MYLK: variants seen among roughly 807,000 people sequenced by gnomAD.
MYLK encodes myosin light chain kinase.
In MYLK, 106 loss-of-function variants were observed where a neutral mutation model predicts 203.4. The observed-to-expected ratio is 0.52, with a 90% CI of 0.45 to 0.61. The LOEUF is 0.61. Ranked by LOEUF, MYLK falls within the 20% of genes least tolerant of loss-of-function variation. The pLI is 0.00. For synonymous variants in MYLK, 867 were observed against 959.5 expected (o/e 0.90, Z 1.78); for missense variants, 2,072 against 2,442.3 (o/e 0.85, Z 3.20).
chr3:123,708,625 T>C, intron 15 of MYLK, 73 bp downstream of exon 15: 2 of 1,576,838 alleles, frequency 1.3e-6, no homozygotes, highest in Non-Finnish European at 1.7e-6. Flanking sequence ...TGTGGTTTCC[T>C]TGCCTCCAAA....
intron 2 of MYLK, among the ~76,000 whole-genome samples, chr3:123,857,649 G>A (rs1187581505): frequency 7.3e-6 from 1 of 137,310 alleles, no homozygotes; most frequent in Non-Finnish European, 1.6e-5. Context: ...GACTGTTGTG[G>A]GGTCGGGGGA....
chr3:123,630,926 C>T (rs2058389334), intron 29 of MYLK: 1 of 131,752 alleles, frequency 7.6e-6, no homozygotes, highest in Admixed American at 7.4e-5. Context: ...GAGTCAGCCT[C>T]ATGGGTGTTA....
At chr3:123,832,849 G>A (rs1219369989) in intron 2 of MYLK, among the ~76,000 whole-genome samples, 1 of 152,170 alleles carries the variant, frequency 6.6e-6, no homozygotes, top group Admixed American at 6.5e-5. Flanking sequence ...CCCAGCCTCA[G>A]GTATTTTGTC....
chr3:123,719,837 C>T (rs1016039036), intron 13 of MYLK, among the ~76,000 whole-genome samples: 1 of 152,234 alleles, frequency 6.6e-6, no homozygotes. Context: ...TCTCCCCCAG[C>T]CCAGGCTTGT....
intron 4 of MYLK, among the ~76,000 whole-genome samples, chr3:123,762,523 C>T (rs759748447): frequency 2.0e-5 from 3 of 152,186 alleles, no homozygotes; most frequent in Non-Finnish European, 4.4e-5. Flanking sequence ...TGAGCCACTG[C>T]ACCTGGCCTA....
At chr3:123,653,866 A>C (rs1217037254) in intron 24 of MYLK, among the ~76,000 whole-genome samples, 2 of 152,124 alleles carry the variant, frequency 1.3e-5, no homozygotes, top group Admixed American at 1.3e-4. Flanking sequence ...TCACACTGCA[A>C]TCTTACTCCT....
At chr3:123,625,843 G>C (rs75283798) in intron 31 of MYLK, among the ~76,000 whole-genome samples, 1 of 151,900 alleles carries the variant, frequency 6.6e-6, no homozygotes, top group Non-Finnish European at 1.5e-5. Flanking sequence ...TCTAATTGTG[G>C]TAATAAAAAT....
intron 3 of MYLK, among the ~76,000 whole-genome samples, chr3:123,824,156 CT>C (rs1388055968): frequency 3.3e-5 from 5 of 151,084 alleles, no homozygotes; most frequent in Non-Finnish European, 7.4e-5. Flanking sequence ...ATGGCGCGAT[CT>C]CAGCTCGCCG....
chr3:123,766,498 T>C (rs765910146), intron 4 of MYLK, among the ~76,000 whole-genome samples: 8 of 152,214 alleles, frequency 5.3e-5, no homozygotes, highest in Admixed American at 2.6e-4. Flanking sequence ...CCTCTTAATA[T>C]AGCATCTGCC....
chr3:123,679,687 A>G (rs566115776), intron 20 of MYLK, among the ~76,000 whole-genome samples: 5 of 152,258 alleles, frequency 3.3e-5, no homozygotes, highest in African/African-American at 1.2e-4. Flanking sequence ...GGTCTACTGG[A>G]GTTAATCCAG....
intron 33 of MYLK, 44 bp from the exon 34 acceptor site, chr3:123,614,393 A>G (rs933748177): frequency 9.9e-6 from 16 of 1,612,906 alleles, no homozygotes; most frequent in African/African-American, 1.3e-5. Flanking sequence ...ACTGTTATTC[A>G]AAATTTCTTA....
chr3:123,706,469 C>T (rs566201341), intron 16 of MYLK, among the ~76,000 whole-genome samples: 7 of 152,200 alleles, frequency 4.6e-5, no homozygotes, highest in South Asian at 2.1e-4. Flanking sequence ...GTCAGGCACC[C>T]GGGCCAGGAC....
rs56812925 is a variant in MYLK, at chr3:123,667,603, C to CA, written c.3653-417dup. ...TGGGTGACAGAGTGAGACTCTGTCT[C>CA]AAAAAAAAAAAAAGAAAAAAGAAAG... On this transcript the variant is annotated intron_variant, in intron 20 of 33. Transcript: ENST00000360304. Among the ~76,000 whole-genome samples, 640 of 114,324 alleles carry CA rather than the reference C, an allele frequency of 5.6e-3. 2 individuals are homozygous for CA. The highest frequency in any genetic ancestry group is 0.016 in the African/African-American group (494 of 30,952). 75.0% of individuals were successfully genotyped at this position (114,324 alleles called of 152,430 possible). A position where few individuals can be genotyped will look rare whatever the true frequency, so the allele number is the denominator to read the frequency against.
chr3:123,876,578 C>G lies in MYLK; in HGVS notation c.-146G>C, dbSNP rs1445414505. 1 of 152,100 alleles carries G rather than the reference C, an allele frequency of 6.6e-6. No individual in the cohort carries two copies. The highest frequency in any genetic ancestry group is 1.9e-4 in the East Asian group (1 of 5,196). The allele number at this position is 152,100 out of a possible 1,614,324, so 9.4% of individuals were successfully genotyped here. On this transcript the variant is annotated 5_prime_UTR_variant, in exon 2 of 34. Transcript: ENST00000360304. Reference sequence around the variant, plus strand: ...TATTACCTTTATTTTTTCTCTTCAGCTGGCCCGAATTGGTTTCTGTTAATT... The same window carrying G: ...TATTACCTTTATTTTTTCTCTTCAGGTGGCCCGAATTGGTTTCTGTTAATT...
chr3:123,867,707 A>G (rs1327013841), intron 2 of MYLK, among the ~76,000 whole-genome samples: 1 of 152,202 alleles, frequency 6.6e-6, no homozygotes, highest in Non-Finnish European at 1.5e-5. Flanking sequence ...CTGTGAGAAA[A>G]TGAATTTCCA....
At chr3:123,850,570 T>C (rs1039768007) in intron 2 of MYLK, among the ~76,000 whole-genome samples, 3 of 152,226 alleles carry the variant, frequency 2.0e-5, no homozygotes, top group East Asian at 1.9e-4. Context: ...TCATATCCTT[T>C]GCCCACTTTT....
intron 29 of MYLK, among the ~76,000 whole-genome samples, chr3:123,631,712 A>AT (rs1015911160): frequency 6.6e-5 from 10 of 151,440 alleles, no homozygotes; most frequent in East Asian, 3.9e-4. Flanking sequence ...TGTGGATGGG[A>AT]TTTTTTTTTA....
intron 18 of MYLK, among the ~76,000 whole-genome samples, chr3:123,693,235 C>G (rs1389141419): frequency 6.6e-6 from 1 of 152,198 alleles, no homozygotes; most frequent in Non-Finnish European, 1.5e-5. Context: ...AGGAGTCCGA[C>G]ACAGGGTTAC....
chr3:123,845,506 T>G (rs967769561), intron 2 of MYLK, among the ~76,000 whole-genome samples: 14 of 152,182 alleles, frequency 9.2e-5, no homozygotes, highest in African/African-American at 1.7e-4. Context: ...GTTTTGTTTT[T>G]TTGAGACAAG....
Sources: allele counts gnomAD v4.1 joint callset (sites outside exome capture counted in the v4.1 genomes callset), GRCh38; gene constraint gnomAD v4.1.1; transcripts MANE v1.5; gene names NCBI Gene and HGNC (gene_info 2026-07-23, HGNC 2026-07-21).